TENM3: variants seen among roughly 807,000 people sequenced by gnomAD.
The protein encoded by TENM3 is teneurin-3.
A neutral mutation model predicts 255.1 loss-of-function variants in TENM3; 63 were observed. The ratio of observed to expected loss-of-function variants is 0.25; its 90% CI spans 0.20 to 0.30. TENM3 has a LOEUF of 0.30. Among genes scored for constraint, TENM3 ranks in the 10% least tolerant of loss-of-function variants. TENM3 has a pLI of 1.00. For missense variants in TENM3, 2,929 were observed against 3,461.1 expected (o/e 0.85, Z 3.86); for synonymous variants, 1,306 against 1,322.3 (o/e 0.99, Z 0.27).
At chr4:181,839,382 T>TAAAC in the TENM3 span, among the ~76,000 whole-genome samples, 1 of 60,022 alleles carries the variant, frequency 1.7e-5, no homozygotes, top group East Asian at 4.4e-4. Context: ...TATATATATA[T>TAAAC]ATACACCTAT....
the TENM3 span, among the ~76,000 whole-genome samples, chr4:181,576,462 C>T: frequency 6.6e-6 from 1 of 152,146 alleles, no homozygotes; most frequent in Non-Finnish European, 1.5e-5. Flanking sequence ...ATTGCTGGAT[C>T]ATGTGGTTCT....
At chr4:181,956,136 G>T in the TENM3 span, among the ~76,000 whole-genome samples, 2 of 152,212 alleles carry the variant, frequency 1.3e-5, no homozygotes, top group South Asian at 4.1e-4. Context: ...CATGGAAGAA[G>T]GGGTGAGAGA....
chr4:181,648,302 C>T, the TENM3 span, among the ~76,000 whole-genome samples: 6 of 152,280 alleles, frequency 3.9e-5, no homozygotes, highest in South Asian at 6.2e-4. Context: ...CTGCAAAGTT[C>T]GCACAAATTG....
chr4:182,559,515 A>G (rs1742924771), intron 3 of TENM3, among the ~76,000 whole-genome samples: 1 of 152,106 alleles, frequency 6.6e-6, no homozygotes, highest in Non-Finnish European at 1.5e-5. Flanking sequence ...CTGCCTTTCT[A>G]GGATTACTTT....
At chr4:181,652,058 T>C in the TENM3 span, among the ~76,000 whole-genome samples, 2 of 151,846 alleles carry the variant, frequency 1.3e-5, no homozygotes, top group African/African-American at 4.8e-5. Context: ...TTATTTAGCA[T>C]GCATTTCGTT....
At chr4:181,738,311 T>C in the TENM3 span, among the ~76,000 whole-genome samples, 2 of 152,178 alleles carry the variant, frequency 1.3e-5, no homozygotes, top group African/African-American at 4.8e-5. Context: ...TAAAATGAAA[T>C]ATAACACCAA....
At chr4:182,246,041 C>T (rs866019847) in intron 1 of TENM3, among the ~76,000 whole-genome samples, 5 of 152,094 alleles carry the variant, frequency 3.3e-5, no homozygotes, top group African/African-American at 9.7e-5. Flanking sequence ...CGGGAAATAG[C>T]GTAAGAGCTC....
At chr4:182,725,636 C>CTT (rs5864795) in intron 13 of TENM3, among the ~76,000 whole-genome samples, 122,117 of 133,646 alleles carry the variant, frequency 0.91, 55,985 homozygotes, top group East Asian at 0.98. Flanking sequence ...TCTTTTTTTT[C>CTT]TTTTTTTTTT....
chr4:182,148,772 T>C (rs549644800), intron 1 of TENM3, among the ~76,000 whole-genome samples: 3 of 152,158 alleles, frequency 2.0e-5, no homozygotes, highest in Non-Finnish European at 4.4e-5. Context: ...ACTGTGATAT[T>C]TGCATTTGTT....
chr4:182,101,023 T>G, the TENM3 span, among the ~76,000 whole-genome samples: 1 of 127,950 alleles, frequency 7.8e-6, no homozygotes. Context: ...CTAGCCTAAG[T>G]GATAGAGCGA....
the TENM3 span, among the ~76,000 whole-genome samples, chr4:181,596,729 C>T: frequency 6.6e-6 from 1 of 152,134 alleles, no homozygotes; most frequent in African/African-American, 2.4e-5. Context: ...GGTACATAAA[C>T]ACCATGGAAT....
At chr4:182,133,046 T>C in the TENM3 span, among the ~76,000 whole-genome samples, 1 of 151,998 alleles carries the variant, frequency 6.6e-6, no homozygotes, top group South Asian at 2.1e-4. Flanking sequence ...GGAGGGAAAA[T>C]AGGATGCAGA....
At chr4:181,459,269 T>C in the TENM3 span, among the ~76,000 whole-genome samples, 1 of 151,888 alleles carries the variant, frequency 6.6e-6, no homozygotes, top group Non-Finnish European at 1.5e-5. Context: ...TGGAGTTCTT[T>C]CTATATGTTC....
chr4:181,675,216 C>T, the TENM3 span, among the ~76,000 whole-genome samples: 1 of 151,864 alleles, frequency 6.6e-6, no homozygotes, highest in Non-Finnish European at 1.5e-5. Flanking sequence ...AAGACTAGTG[C>T]TTTATGTGGA....
chr4:182,216,603 C>G (rs950998494), intron 1 of TENM3, among the ~76,000 whole-genome samples: 3 of 152,192 alleles, frequency 2.0e-5, no homozygotes, highest in African/African-American at 7.2e-5. Flanking sequence ...AGGATACAGG[C>G]GTCATAGTCT....
intron 3 of TENM3, among the ~76,000 whole-genome samples, chr4:182,535,134 A>T (rs999545963): frequency 6.6e-6 from 1 of 152,234 alleles, no homozygotes; most frequent in African/African-American, 2.4e-5. Context: ...GAAAACAACA[A>T]CCAAGCTGTA....
chr4:182,468,149 G>A (rs920870380), intron 3 of TENM3, among the ~76,000 whole-genome samples: 1 of 152,208 alleles, frequency 6.6e-6, no homozygotes, highest in South Asian at 2.1e-4. Context: ...CACTTGGGGA[G>A]TCTGAGGTGG....
chr4:181,922,096 G>C, the TENM3 span, among the ~76,000 whole-genome samples: 1 of 152,140 alleles, frequency 6.6e-6, no homozygotes, highest in East Asian at 1.9e-4. Flanking sequence ...ACTTGATCAT[G>C]GTGGATAAGC....
At chr4:182,274,788 T>A (rs929937930) in intron 1 of TENM3, among the ~76,000 whole-genome samples, 3 of 152,136 alleles carry the variant, frequency 2.0e-5, no homozygotes, top group African/African-American at 4.8e-5. Flanking sequence ...TGAGTTTAAG[T>A]CCAGTGGTCT....
Sources: gnomAD v4.1 joint callset for allele counts (sites outside exome capture counted in the v4.1 genomes callset) on GRCh38, gnomAD v4.1.1 for gene constraint, MANE v1.5 for transcripts, NCBI Gene and HGNC (gene_info 2026-07-23, HGNC 2026-07-21) for gene names.